Variants in OXR1 observed in about 807,000 individuals in gnomAD.
The protein encoded by OXR1 is oxidation resistance protein 1.
OXR1 carries 41 observed loss-of-function variants against 104.6 expected under a neutral mutation model. The observed-to-expected ratio is 0.39, with a 90% CI of 0.31 to 0.51. The LOEUF (loss-of-function observed/expected upper bound fraction) is 0.51, where lower values mean the gene tolerates loss of function less well. Among genes scored for constraint, OXR1 ranks in the 20% least tolerant of loss-of-function variants. OXR1 has a pLI of 0.77. For missense variants in OXR1, 955 were observed against 1,031.9 expected (o/e 0.93, Z 1.02); for synonymous variants, 348 against 348.4 (o/e 1.00, Z 0.01).
chr8:106,334,117 G>A (rs1310230599), intron 1 of OXR1, among the ~76,000 whole-genome samples: 1 of 152,158 alleles, frequency 6.6e-6, no homozygotes, highest in Non-Finnish European at 1.5e-5. Flanking sequence ...GTCTGTACTT[G>A]CTTAGGTCTT....
At chr8:106,387,791 G>A (rs1817438466) in intron 2 of OXR1, among the ~76,000 whole-genome samples, 2 of 152,146 alleles carry the variant, frequency 1.3e-5, no homozygotes, top group African/African-American at 4.8e-5. Context: ...TACCCAGAAG[G>A]TGTTCATTAT....
At chr8:106,560,563 G>A (rs868563694) in intron 3 of OXR1, among the ~76,000 whole-genome samples, 1 of 152,156 alleles carries the variant, frequency 6.6e-6, no homozygotes, top group Non-Finnish European at 1.5e-5. Flanking sequence ...CATCTGCTGA[G>A]CAGGGGTGCT....
chr8:106,612,694 G>A (rs1447009047), intron 3 of OXR1, among the ~76,000 whole-genome samples: 4 of 152,240 alleles, frequency 2.6e-5, no homozygotes, highest in East Asian at 1.9e-4. Context: ...AAAATGTGAA[G>A]TACCTACATA....
intron 3 of OXR1, among the ~76,000 whole-genome samples, chr8:106,672,627 G>A (rs996851221): frequency 3.3e-5 from 5 of 152,054 alleles, no homozygotes; most frequent in South Asian, 4.1e-4. Context: ...GAAACATAAC[G>A]TCATATGGTT....
intron 3 of OXR1, among the ~76,000 whole-genome samples, chr8:106,531,003 C>A (rs368709465): frequency 1.3e-5 from 2 of 151,978 alleles, no homozygotes; most frequent in Admixed American, 1.3e-4. Context: ...TTTTATGTTA[C>A]CATATATGTT....
In OXR1 at chr8:106,706,883, T is replaced by C; in HGVS notation, c.1362T>C (p.His454=). ...ATTCAGACCAGGATTCTTTTCTTCA[T>C]GAGAATTCGTTACACCAAGAAGAGA... ...KGNSDQDSFL[H]ENSLHQEESQ... The change falls in exon 9 of 17, where the codon CAT becomes CAC. Residue 454 remains histidine, a synonymous_variant. Transcript: ENST00000517566. The C allele has an allele frequency of 6.2e-7, 1 of 1,611,620 alleles. No individual in the cohort carries two copies. Among genetic ancestry groups the C allele is most frequent in the Non-Finnish European group, 8.5e-7 (1 of 1,179,544 alleles).
At chr8:106,283,105 C>T (rs1164367211) in intron 1 of OXR1, among the ~76,000 whole-genome samples, 1 of 152,170 alleles carries the variant, frequency 6.6e-6, no homozygotes, top group South Asian at 2.1e-4. Flanking sequence ...CACGCTTGTG[C>T]TTGATCTGCC....
intron 1 of OXR1, among the ~76,000 whole-genome samples, chr8:106,314,065 A>C (rs572879291): frequency 6.6e-6 from 1 of 152,332 alleles, no homozygotes; most frequent in East Asian, 1.9e-4. Flanking sequence ...GAGAATTGTG[A>C]ATCTGTAAAC....
intron 3 of OXR1, among the ~76,000 whole-genome samples, chr8:106,603,700 A>G (rs1820141751): frequency 6.6e-6 from 1 of 152,154 alleles, no homozygotes; most frequent in Non-Finnish European, 1.5e-5. Flanking sequence ...AGAGCTTTAA[A>G]TTTTAATAAA....
chr8:106,277,754 C>G (rs958404903), intron 1 of OXR1, among the ~76,000 whole-genome samples: 5 of 152,218 alleles, frequency 3.3e-5, no homozygotes, highest in African/African-American at 7.2e-5. Flanking sequence ...GCTTTCAGAG[C>G]TTCATGTTCC....
At chr8:106,382,360 T>A (rs1817182441) in intron 2 of OXR1, among the ~76,000 whole-genome samples, 1 of 152,226 alleles carries the variant, frequency 6.6e-6, no homozygotes, top group Non-Finnish European at 1.5e-5. Flanking sequence ...TTTAAAGGTA[T>A]AATGTTCCAT....
chr8:106,281,853 G>A (rs933813683), intron 1 of OXR1, among the ~76,000 whole-genome samples: 5 of 145,568 alleles, frequency 3.4e-5, no homozygotes. Context: ...GGAGTACTTA[G>A]AAGGGCTGAT....
intron 15 of OXR1, among the ~76,000 whole-genome samples, chr8:106,745,207 G>A (rs1231713878): frequency 6.6e-6 from 1 of 152,116 alleles, no homozygotes; most frequent in Admixed American, 6.5e-5. Context: ...CCCATAAAAG[G>A]TTAGAAAAAG....
intron 3 of OXR1, among the ~76,000 whole-genome samples, chr8:106,600,505 A>C (rs532023409): frequency 1.3e-5 from 2 of 152,294 alleles, no homozygotes; most frequent in Non-Finnish European, 2.9e-5. Context: ...TGCCAATCAT[A>C]TTAGTGGTGG....
At chr8:106,472,026 G>A (rs1346933757) in intron 2 of OXR1, among the ~76,000 whole-genome samples, 1 of 151,698 alleles carries the variant, frequency 6.6e-6, no homozygotes, top group East Asian at 1.9e-4. Flanking sequence ...ACTGTCTTTT[G>A]TGTGGATTAG....
intron 10 of OXR1, among the ~76,000 whole-genome samples, chr8:106,711,415 T>C (rs1293043587): frequency 6.6e-6 from 1 of 152,150 alleles, no homozygotes; most frequent in Non-Finnish European, 1.5e-5. Context: ...TCATTACTTT[T>C]TCTCTTTAAA....
intron 1 of OXR1, among the ~76,000 whole-genome samples, chr8:106,281,799 CAAA>C (rs59515650): frequency 0.11 from 7,084 of 62,210 alleles, 123 homozygotes; most frequent in Middle Eastern, 0.17. Flanking sequence ...GACTCTATCT[CAAA>C]AAAAAAAAAA....
chr8:106,410,372 T>C (rs1439942376), intron 2 of OXR1, among the ~76,000 whole-genome samples: 1 of 152,174 alleles, frequency 6.6e-6, no homozygotes, highest in East Asian at 1.9e-4. Flanking sequence ...CCAGTGATTA[T>C]TAAGTATCTT....
chr8:106,671,823 TG>T (rs1554616523), intron 3 of OXR1, among the ~76,000 whole-genome samples: 1 of 66,476 alleles, frequency 1.5e-5, no homozygotes, highest in African/African-American at 6.9e-5. Flanking sequence ...TGTCGTGGGG[TG>T]GGGGGAGGGG....
Sources: allele counts gnomAD v4.1 joint callset (sites outside exome capture counted in the v4.1 genomes callset), GRCh38; gene constraint gnomAD v4.1.1; transcripts MANE v1.5; gene names NCBI Gene and HGNC (gene_info 2026-07-23, HGNC 2026-07-21).